Variants in ALPK2 observed in about 807,000 individuals in gnomAD.
ALPK2 encodes alpha-protein kinase 2.
ALPK2 carries 127 observed loss-of-function variants against 163.1 expected under a neutral mutation model. That is an observed-to-expected ratio of 0.78 (90% CI 0.67 to 0.90). The LOEUF is 0.90. ALPK2 is among the 40% of genes least tolerant of loss of function. The pLI, the probability that ALPK2 is intolerant of heterozygous loss-of-function variation, is 0.00. For synonymous variants in ALPK2, 953 were observed against 959.1 expected (o/e 0.99, Z 0.12); for missense variants, 2,360 against 2,589.6 (o/e 0.91, Z 1.92).
chr18:58,484,746 A>AAAT (rs1373956198), intron 12 of ALPK2, among the ~76,000 whole-genome samples: 1 of 129,836 alleles, frequency 7.7e-6, no homozygotes, highest in Non-Finnish European at 1.6e-5. Flanking sequence ...TCGTCTCAAA[A>AAAT]AATAATATAA....
rs1199093556 is a variant in ALPK2 at position 58,537,468 on chromosome 18, T to C, written c.2719A>G (p.Thr907Ala). 1 of 1,612,002 alleles carries C rather than the reference T, an allele frequency of 6.2e-7. No individual in the cohort carries two copies. Reference sequence around the variant, plus strand: ...TCCACCTTGGCTAGATTTTCTCCTGTGGCACCTTCACTAGCTGTGTGTGAA... The same window carrying C: ...TCCACCTTGGCTAGATTTTCTCCTGCGGCACCTTCACTAGCTGTGTGTGAA... ...NISHTASEGA[T>A]GENLAKVENS... Residue 907 changes from threonine to alanine, a missense_variant, in exon 5 of 13, where the codon ACA becomes GCA. Transcript: ENST00000361673.
intron 3 of ALPK2, among the ~76,000 whole-genome samples, chr18:58,592,108 C>A (rs1341432789): frequency 6.6e-6 from 1 of 152,192 alleles, no homozygotes; most frequent in African/African-American, 2.4e-5. Context: ...TTCTTGCTCT[C>A]CATATCTGAT....
chr18:58,616,892 G>A (rs895740393), intron 1 of ALPK2, among the ~76,000 whole-genome samples: 1 of 152,168 alleles, frequency 6.6e-6, no homozygotes, highest in African/African-American at 2.4e-5. Context: ...ACTTGCAGCT[G>A]GTGTTCCGGG....
chr18:58,584,623 T>C (rs1303702713), intron 3 of ALPK2, among the ~76,000 whole-genome samples: 1 of 152,212 alleles, frequency 6.6e-6, no homozygotes, highest in Non-Finnish European at 1.5e-5. Context: ...CATAGAGTAA[T>C]GGGCACCGTG....
chr18:58,502,133 TCCAC>T lies in ALPK2; in HGVS notation c.6247+1794_6247+1797del, dbSNP rs1400875764. On this transcript the variant is annotated intron_variant, in intron 11 of 12. Coordinates refer to ENST00000361673, the MANE Select transcript of ALPK2 (RefSeq NM_052947.4). The stretch of plus-strand genomic sequence containing the variant: ...CTGAGCAACAAAGTGAAACCCCATC[TCCAC>T]ACACACACACACACACACACACACA... Among the ~76,000 whole-genome samples the T allele has an allele frequency of 2.6e-3, 221 of 83,572 alleles. 2 individuals carry two copies. The highest frequency in any genetic ancestry group is 0.017 in the Middle Eastern group (2 of 118). 54.8% of individuals were successfully genotyped at this position (83,572 alleles called of 152,430 possible). A position where few individuals can be genotyped will look rare whatever the true frequency, so the allele number is the denominator to read the frequency against.
chr18:58,551,796 T>C (rs1219610691), intron 4 of ALPK2, among the ~76,000 whole-genome samples: 2 of 152,208 alleles, frequency 1.3e-5, no homozygotes, highest in Non-Finnish European at 2.9e-5. Context: ...AGAGTGGAAT[T>C]CAGTGCAGCC....
intron 4 of ALPK2, among the ~76,000 whole-genome samples, chr18:58,573,613 C>CTT (rs778622176): frequency 0.015 from 779 of 51,746 alleles, 22 homozygotes; most frequent in East Asian, 0.069. Flanking sequence ...TTTTTGTCTT[C>CTT]TTTTTTTTTT....
intron 4 of ALPK2, among the ~76,000 whole-genome samples, chr18:58,546,836 G>A (rs1166642988): frequency 6.6e-6 from 1 of 152,200 alleles, no homozygotes; most frequent in Non-Finnish European, 1.5e-5. Flanking sequence ...AAGTGCAACT[G>A]TATGCAAACA....
rs759534806 is a variant in ALPK2 at position 58,537,223 on chromosome 18, C to A, written c.2964G>T (p.Lys988Asn). The change falls in exon 5 of 13, where the codon AAG (lysine) becomes AAT (asparagine). Residue 988 changes from lysine to asparagine, a missense_variant. Coordinates refer to ENST00000361673, the MANE Select transcript of ALPK2 (RefSeq NM_052947.4). The part of the protein sequence containing the change: ...YSSIVSFPWE[K>N]PTTLTANNEC... ...CATTATTAGCAGTTAATGTTGTTGG[C>A]TTCTCCCAAGGAAAACTCACAATTG... 1 of 1,614,178 alleles carries A rather than the reference C, an allele frequency of 6.2e-7. No homozygotes were observed. The highest frequency in any genetic ancestry group is 8.5e-7 in the Non-Finnish European group (1 of 1,180,014).
chr18:58,606,515 T>C (rs755056184), intron 3 of ALPK2, among the ~76,000 whole-genome samples: 3 of 152,198 alleles, frequency 2.0e-5, no homozygotes, highest in Non-Finnish European at 4.4e-5. Context: ...GATGATGAAA[T>C]TGAGTTTCAG....
intron 2 of ALPK2, among the ~76,000 whole-genome samples, chr18:58,610,193 G>A (rs1390937388): frequency 6.7e-6 from 1 of 148,422 alleles, no homozygotes; most frequent in Non-Finnish European, 1.5e-5. Context: ...AGAATTGCTT[G>A]AACCTGGGAG....
At chr18:58,513,015 GTGTGTGTGGTGTGTGGTT>G (rs1287263658) in intron 10 of ALPK2, among the ~76,000 whole-genome samples, 1 of 130,236 alleles carries the variant, frequency 7.7e-6, no homozygotes, top group Non-Finnish European at 1.7e-5. Flanking sequence ...TTTATGTGGG[GTGTGTGTGGTGTGTGGTT>G]TGTGTGTGGT....
chr18:58,563,211 A>G (rs935694871), intron 4 of ALPK2, among the ~76,000 whole-genome samples: 3 of 152,236 alleles, frequency 2.0e-5, no homozygotes, highest in African/African-American at 7.2e-5. Flanking sequence ...GCTCCTATCT[A>G]GCATCTAACT....
chr18:58,483,320 C>A (rs1298225356), intron 12 of ALPK2, among the ~76,000 whole-genome samples: 1 of 152,166 alleles, frequency 6.6e-6, no homozygotes, highest in Non-Finnish European at 1.5e-5. Context: ...TAAGTCATAT[C>A]TCCTGCTTAA....
intron 4 of ALPK2, 175 bp downstream of exon 4, chr18:58,578,639 A>G: frequency 1.7e-6 from 1 of 589,908 alleles, no homozygotes; most frequent in Non-Finnish European, 2.8e-6. Context: ...TCCGAGCAGC[A>G]GCAGCTGTCA....
chr18:58,583,489 A>G (rs1450318430), intron 3 of ALPK2, among the ~76,000 whole-genome samples: 1 of 151,888 alleles, frequency 6.6e-6, no homozygotes, highest in Non-Finnish European at 1.5e-5. Flanking sequence ...ATTCTTGGAG[A>G]TTTGGCCTCC....
intron 4 of ALPK2, among the ~76,000 whole-genome samples, chr18:58,567,860 G>A (rs895718175): frequency 1.3e-5 from 2 of 152,152 alleles, no homozygotes; most frequent in African/African-American, 4.8e-5. Flanking sequence ...CCAAGCCCGT[G>A]TGTCTAAGGG....
chr18:58,589,643 T>C (rs1038307951), intron 3 of ALPK2, among the ~76,000 whole-genome samples: 1 of 152,260 alleles, frequency 6.6e-6, no homozygotes, highest in Non-Finnish European at 1.5e-5. Context: ...ATCATCTTCT[T>C]CATCCTTATT....
chr18:58,600,511 G>C (rs1290013512), intron 3 of ALPK2: 3 of 152,218 alleles, frequency 2.0e-5, no homozygotes, highest in African/African-American at 4.8e-5. Context: ...CTTACAAAGA[G>C]CTCTCAAACC....
Sources: allele counts gnomAD v4.1 joint callset (sites outside exome capture counted in the v4.1 genomes callset), GRCh38; gene constraint gnomAD v4.1.1; transcripts MANE v1.5; gene names NCBI Gene and HGNC (gene_info 2026-07-23, HGNC 2026-07-21).